Variants in ITGA9 observed in about 807,000 individuals in gnomAD.
ITGA9 encodes integrin subunit alpha 9, also known as integrin alpha-9.
In ITGA9, 56 loss-of-function variants were observed where a neutral mutation model predicts 127.8. That is an observed-to-expected ratio of 0.44 (90% CI 0.35 to 0.55). ITGA9 has a LOEUF of 0.55. Among genes scored for constraint, ITGA9 ranks in the 20% least tolerant of loss-of-function variants. The pLI is 0.00. For missense variants in ITGA9, 1,196 were observed against 1,347.1 expected (o/e 0.89, Z 1.76); for synonymous variants, 508 against 514.5 (o/e 0.99, Z 0.17).
intron 1 of ITGA9, among the ~76,000 whole-genome samples, chr3:37,466,054 C>T (rs371135021): frequency 1.3e-5 from 2 of 152,090 alleles, no homozygotes; most frequent in African/African-American, 2.4e-5. Flanking sequence ...TAGTACCTCC[C>T]GTAGGGTTGC....
intron 6 of ITGA9, among the ~76,000 whole-genome samples, chr3:37,504,917 G>T (rs1282399366): frequency 2.6e-5 from 4 of 152,232 alleles, no homozygotes; most frequent in African/African-American, 9.6e-5. Flanking sequence ...ATGGCAGCCT[G>T]TACAGGATTT....
At chr3:37,796,733 T>C (rs1697178678) in intron 26 of ITGA9, among the ~76,000 whole-genome samples, 1 of 152,234 alleles carries the variant, frequency 6.6e-6, no homozygotes, top group African/African-American at 2.4e-5. Flanking sequence ...GTGTTCATAC[T>C]TCATCTGATT....
At chr3:37,722,037 C>T (rs1701196134) in intron 18 of ITGA9, among the ~76,000 whole-genome samples, 1 of 152,184 alleles carries the variant, frequency 6.6e-6, no homozygotes, top group South Asian at 2.1e-4. Context: ...CAGCAGGGCT[C>T]CGCATGGCCT....
intron 18 of ITGA9, among the ~76,000 whole-genome samples, chr3:37,695,022 T>C (rs1244226243): frequency 6.6e-6 from 1 of 151,898 alleles, no homozygotes; most frequent in Non-Finnish European, 1.5e-5. Context: ...TCAGGCAGGG[T>C]CCCTCAGAGC....
intron 3 of ITGA9, among the ~76,000 whole-genome samples, chr3:37,475,491 G>A (rs1698484033): frequency 6.6e-6 from 1 of 152,244 alleles, no homozygotes; most frequent in Non-Finnish European, 1.5e-5. Flanking sequence ...GAACAGCAAT[G>A]AGGACCACAG....
At chr3:37,520,211 G>A (rs1235645257) in intron 11 of ITGA9, among the ~76,000 whole-genome samples, 1 of 152,174 alleles carries the variant, frequency 6.6e-6, no homozygotes, top group Non-Finnish European at 1.5e-5. Flanking sequence ...GGGTTGGTTG[G>A]TTGTCATTCG....
chr3:37,545,340 TTC>T (rs1258565797), intron 15 of ITGA9, among the ~76,000 whole-genome samples: 1 of 152,244 alleles, frequency 6.6e-6, no homozygotes, highest in African/African-American at 2.4e-5. Flanking sequence ...AGGTATTTTT[TTC>T]TTTTTTTCTT....
rs1012223674 is a variant in ITGA9, at chr3:37,585,472, G to A, written c.1689+42887G>A. 6.5e-4 allele frequency: 275 copies of A among 425,728 alleles called. 4 individuals are homozygous for A. Among genetic ancestry groups the A allele is most frequent in the South Asian group, 4.6e-3 (266 of 58,240 alleles). 26.4% of individuals were successfully genotyped at this position (425,728 alleles called of 1,614,324 possible). ...CCTGGCACAGTAAATTCATTAGAGC[G>A]AATTCAAATAAATAAGGTTTTACTT... On this transcript the variant is annotated intron_variant, in intron 15 of 27. Transcript: ENST00000264741.
intron 3 of ITGA9, among the ~76,000 whole-genome samples, chr3:37,478,993 A>C (rs1257623794): frequency 6.6e-6 from 1 of 152,212 alleles, no homozygotes; most frequent in Non-Finnish European, 1.5e-5. Flanking sequence ...ATCAGACAGC[A>C]CCATGATAAA....
At chr3:37,453,781 C>T (rs1359823621) in intron 1 of ITGA9, among the ~76,000 whole-genome samples, 1 of 152,122 alleles carries the variant, frequency 6.6e-6, no homozygotes, top group African/African-American at 2.4e-5. Context: ...TCGCAGTACT[C>T]AAGCATTCCT....
At chr3:37,536,303 G>A (rs915349738) in intron 14 of ITGA9, among the ~76,000 whole-genome samples, 1 of 152,254 alleles carries the variant, frequency 6.6e-6, no homozygotes, top group African/African-American at 2.4e-5. Context: ...TGGAATGCCT[G>A]GTGAATGAGT....
intron 15 of ITGA9, chr3:37,585,532 A>G: frequency 2.1e-6 from 1 of 480,478 alleles, no homozygotes; most frequent in Non-Finnish European, 4.2e-6. Flanking sequence ...GCCCGTTGGG[A>G]CAATTAGGGA....
intron 18 of ITGA9, among the ~76,000 whole-genome samples, chr3:37,722,074 G>C (rs762254652): frequency 6.6e-6 from 1 of 152,100 alleles, no homozygotes; most frequent in African/African-American, 2.4e-5. Context: ...CTTCCCAAAC[G>C]TGTGGCCTCT....
rs117133450 is a variant in ITGA9 at position 37,568,964 on chromosome 3, C to T, written c.1689+26379C>T. On this transcript the variant is annotated intron_variant, in intron 15 of 27. Transcript: ENST00000264741. ...CAGATATCTTCACAGCAATAGCCCC[C>T]TCCTGGTACCAATTTACTGTATTAG... Among the ~76,000 whole-genome samples the T allele has an allele frequency of 1.8e-3, 269 of 152,312 alleles. 6 individuals are homozygous for T. In the East Asian group the frequency reaches 0.037, roughly 21 times the overall value.
chr3:37,748,516 G>A (rs1249050259), intron 22 of ITGA9: 1 of 498,302 alleles, frequency 2.0e-6, no homozygotes, highest in Non-Finnish European at 3.7e-6. Flanking sequence ...GGGAGGCCGA[G>A]GCAGGCGGAT....
chr3:37,479,937 T>C (rs980411966), intron 3 of ITGA9, among the ~76,000 whole-genome samples: 1 of 152,168 alleles, frequency 6.6e-6, no homozygotes, highest in African/African-American at 2.4e-5. Context: ...GAACGCTAAA[T>C]GTTATCACTT....
intron 14 of ITGA9, among the ~76,000 whole-genome samples, chr3:37,538,694 G>T (rs1699237411): frequency 6.6e-6 from 1 of 152,198 alleles, no homozygotes; most frequent in Non-Finnish European, 1.5e-5. Context: ...TTACCAGTGG[G>T]TGCTGGTAAA....
chr3:37,684,158 T>A, intron 18 of ITGA9, 143 bp downstream of exon 18: 1 of 826,418 alleles, frequency 1.2e-6, no homozygotes, highest in Admixed American at 2.0e-5. Context: ...AACTTTTTTC[T>A]TCCTGGGCTT....
At chr3:37,784,527 G>A (rs1225147571) in intron 25 of ITGA9, among the ~76,000 whole-genome samples, 1 of 152,154 alleles carries the variant, frequency 6.6e-6, no homozygotes. Flanking sequence ...AGAGTTAAAA[G>A]CAACTCATAT....
Sources: gnomAD v4.1 joint callset for allele counts (sites outside exome capture counted in the v4.1 genomes callset) on GRCh38, gnomAD v4.1.1 for gene constraint, MANE v1.5 for transcripts, NCBI Gene and HGNC (gene_info 2026-07-23, HGNC 2026-07-21) for gene names.